The following TMED3 variants were observed in gnomAD, a reference collection of about 807,000 sequenced individuals.
TMED3 encodes the protein transmembrane p24 trafficking protein 3.
Under a neutral mutation model 15.0 loss-of-function variants are expected in TMED3, and 9 were observed. The ratio of observed to expected loss-of-function variants is 0.60; its 90% CI spans 0.36 to 1.04. The LOEUF is 1.04. Ranked by LOEUF, TMED3 falls within the 50% of genes least tolerant of loss-of-function variation. The probability of loss-of-function intolerance (pLI) is 0.01; values close to 1 mark genes in which losing one functional copy is unlikely to be tolerated. For missense variants in TMED3, 267 were observed against 278.9 expected (o/e 0.96, Z 0.30); for synonymous variants, 117 against 121.4 (o/e 0.96, Z 0.24).
intron 1 of TMED3, among the ~76,000 whole-genome samples, chr15:79,312,739 A>G (rs908984885): frequency 1.3e-5 from 2 of 152,234 alleles, no homozygotes; most frequent in Non-Finnish European, 2.9e-5. Flanking sequence ...GCTGACACTC[A>G]GAAATTCCAT....
At chr15:79,355,567 C>T (rs557175096) in intron 2 of TMED3, among the ~76,000 whole-genome samples, 5 of 152,164 alleles carry the variant, frequency 3.3e-5, no homozygotes, top group Non-Finnish European at 5.9e-5. Context: ...TCCACAATAA[C>T]CAGTTGTCCG....
chr15:79,369,720 T>C (rs1048738022), intron 2 of TMED3, among the ~76,000 whole-genome samples: 3 of 152,272 alleles, frequency 2.0e-5, no homozygotes, highest in Non-Finnish European at 4.4e-5. Flanking sequence ...TGGTCCATCA[T>C]TGGCCCTGAG....
intron 2 of TMED3, among the ~76,000 whole-genome samples, chr15:79,345,490 C>G (rs990733603): frequency 5.9e-5 from 9 of 152,112 alleles, no homozygotes; most frequent in African/African-American, 2.2e-4. Flanking sequence ...TGTTCTTTTT[C>G]TGGCTGCATA....
intron 2 of TMED3, among the ~76,000 whole-genome samples, chr15:79,410,242 A>G (rs934629175): frequency 6.6e-6 from 1 of 152,240 alleles, no homozygotes; most frequent in African/African-American, 2.4e-5. Context: ...TAAATAAACA[A>G]GACATTAAAT....
chr15:79,321,715 G>A (rs2058767589), intron 2 of TMED3, among the ~76,000 whole-genome samples: 1 of 152,220 alleles, frequency 6.6e-6, no homozygotes, highest in South Asian at 2.1e-4. Context: ...GTATAGGGCA[G>A]TGCTTGAAAG....
intron 2 of TMED3, among the ~76,000 whole-genome samples, chr15:79,361,471 G>A (rs529107402): frequency 2.6e-5 from 4 of 152,214 alleles, no homozygotes; most frequent in East Asian, 3.9e-4. Context: ...ATGGAAAACC[G>A]AACGTCATAT....
chr15:79,386,777 G>A (rs1296405119), intron 2 of TMED3, among the ~76,000 whole-genome samples: 1 of 143,976 alleles, frequency 6.9e-6, no homozygotes, highest in African/African-American at 2.6e-5. Context: ...TTGATCTCCT[G>A]ACCTCATGAT....
rs946596167 is a variant in TMED3 at position 79,386,738 on chromosome 15, G to A, written c.418-24662G>A. 3.5e-5 allele frequency among the ~76,000 whole-genome samples: 5 copies of A among 141,418 alleles called. No individual in the cohort carries two copies. In the East Asian group the frequency reaches 6.1e-4, roughly 17 times the overall value. 92.8% of individuals were successfully genotyped at this position (141,418 alleles called of 152,430 possible). On this transcript the variant is annotated intron_variant, in intron 2 of 2. Coordinates refer to the TMED3 transcript ENST00000424155. ...TTTTTTTTGTATTTTTAGTAGAGAC[G>A]GGGTTTCACCATGTTGGCCAGACTG...
At position 79,314,060 on chromosome 15, in the gene TMED3, A is replaced by G; in HGVS notation, c.417+55A>G. On this transcript the variant is annotated intron_variant, in intron 2 of 2. Coordinates refer to ENST00000299705, the MANE Select transcript of TMED3 (RefSeq NM_007364.4). The stretch of plus-strand genomic sequence containing the variant: ...TGAACCCCCTAGCGTGTTCCTCTTC[A>G]TTGGCCTCTGTCTAGGCTGGTGGTG... 5.6e-6 allele frequency: 9 copies of G among 1,596,224 alleles called. 1 individual carries two copies. In the South Asian group the frequency reaches 7.9e-5, roughly 14 times the overall value.
intron 2 of TMED3, among the ~76,000 whole-genome samples, chr15:79,373,714 G>A (rs1893380157): frequency 6.6e-6 from 1 of 152,206 alleles, no homozygotes; most frequent in African/African-American, 2.4e-5. Context: ...CTGAGAACAT[G>A]CACGCCAGGT....
intron 2 of TMED3, among the ~76,000 whole-genome samples, chr15:79,404,766 T>G (rs1436253851): frequency 1.3e-5 from 2 of 152,258 alleles, no homozygotes; most frequent in Non-Finnish European, 2.9e-5. Flanking sequence ...TTTAGGGTGA[T>G]GAGCTCTGCT....
chr15:79,327,736 G>A (rs1409817129), downstream of TMED3, among the ~76,000 whole-genome samples: 3 of 152,114 alleles, frequency 2.0e-5, no homozygotes, highest in African/African-American at 7.3e-5. Context: ...AGAAAGTATT[G>A]TCAGACATTC....
chr15:79,405,332 A>G (rs1360493285), intron 2 of TMED3, among the ~76,000 whole-genome samples: 1 of 152,194 alleles, frequency 6.6e-6, no homozygotes, highest in Non-Finnish European at 1.5e-5. Flanking sequence ...TCTTCTAGCT[A>G]TATCAGATCT....
At chr15:79,402,121 G>A (rs1481075276) in intron 2 of TMED3, among the ~76,000 whole-genome samples, 1 of 152,212 alleles carries the variant, frequency 6.6e-6, no homozygotes, top group East Asian at 1.9e-4. Context: ...AGAAGGAAAA[G>A]CTGATCAAGA....
At chr15:79,359,199 G>A (rs1893075561) in intron 2 of TMED3, among the ~76,000 whole-genome samples, 1 of 151,436 alleles carries the variant, frequency 6.6e-6, no homozygotes, top group Non-Finnish European at 1.5e-5. Context: ...TACCAGAGGA[G>A]AGGTACAGTT....
At chr15:79,356,487 G>A (rs562455056) in intron 2 of TMED3, among the ~76,000 whole-genome samples, 7 of 152,296 alleles carry the variant, frequency 4.6e-5, no homozygotes, top group African/African-American at 1.7e-4. Context: ...TGGCAGCAGT[G>A]AACAGCTCCA....
At chr15:79,376,092 G>GTTTTTTTTTTTTT (rs199728545) in intron 2 of TMED3, among the ~76,000 whole-genome samples, 13 of 112,076 alleles carry the variant, frequency 1.2e-4, no homozygotes, top group African/African-American at 4.0e-4. Context: ...CTAGAGAAAG[G>GTTTTTTTTTTTTT]TTTTTTTTTT....
intron 1 of TMED3, 95 bp downstream of exon 1, chr15:79,311,512 C>T: frequency 2.1e-6 from 3 of 1,424,374 alleles, no homozygotes; most frequent in African/African-American, 2.9e-5. Context: ...CTCGAATTAG[C>T]CACAGGCTAC....
chr15:79,404,962 G>A (rs184106056), intron 2 of TMED3, among the ~76,000 whole-genome samples: 2 of 152,338 alleles, frequency 1.3e-5, no homozygotes, highest in South Asian at 2.1e-4. Flanking sequence ...ATAGGCCACG[G>A]GTATAAGTTG....
Sources: gnomAD v4.1 joint callset for allele counts (sites outside exome capture counted in the v4.1 genomes callset) on GRCh38, gnomAD v4.1.1 for gene constraint, MANE v1.5 for transcripts, NCBI Gene and HGNC (gene_info 2026-07-23, HGNC 2026-07-21) for gene names.